The following ANO4 variants were observed in gnomAD, a reference collection of about 807,000 sequenced individuals.
ANO4 encodes the protein anoctamin-4.
ANO4 carries 69 observed loss-of-function variants against 141.9 expected under a neutral mutation model. The observed-to-expected ratio is 0.49, with a 90% confidence interval of 0.40 to 0.59. The LOEUF is 0.59. Among genes scored for constraint, ANO4 ranks in the 20% least tolerant of loss-of-function variants. ANO4 has a pLI of 0.00. For missense variants in ANO4, 894 were observed against 1,162.2 expected (o/e 0.77, Z 3.36); for synonymous variants, 350 against 394.3 (o/e 0.89, Z 1.33).
intron 2 of ANO4, among the ~76,000 whole-genome samples, chr12:100,908,106 T>C (rs2040927769): frequency 6.6e-6 from 1 of 152,202 alleles, no homozygotes; most frequent in African/African-American, 2.4e-5. Context: ...ACGCCTGTAA[T>C]CCCAGCACTT....
At chr12:101,060,881 T>G (rs2048318482) in intron 14 of ANO4, among the ~76,000 whole-genome samples, 1 of 152,178 alleles carries the variant, frequency 6.6e-6, no homozygotes, top group Admixed American at 6.5e-5. Flanking sequence ...CCATTTACAT[T>G]TAAGGATAAT....
chr12:100,769,809 T>A (rs1178437385), intron 3 of ANO4, among the ~76,000 whole-genome samples: 1 of 152,230 alleles, frequency 6.6e-6, no homozygotes, highest in Admixed American at 6.5e-5. Flanking sequence ...AGCCGTCTCT[T>A]ATGGAAGCCT....
chr12:100,783,999 G>GA (rs2033786971), intron 3 of ANO4, among the ~76,000 whole-genome samples: 5 of 140 alleles, frequency 0.036, no homozygotes, highest in Non-Finnish European at 0.076. Context: ...CACACTCCAT[G>GA]GCTCCATCTA....
intron 3 of ANO4, among the ~76,000 whole-genome samples, chr12:100,758,484 A>T (rs2032711575): frequency 6.6e-6 from 1 of 152,128 alleles, no homozygotes; most frequent in South Asian, 2.1e-4. Flanking sequence ...ATTGCTGGGG[A>T]TGTATCCTTA....
chr12:100,891,884 G>A (rs1357346572), intron 1 of ANO4, among the ~76,000 whole-genome samples: 1 of 151,940 alleles, frequency 6.6e-6, no homozygotes, highest in Non-Finnish European at 1.5e-5. Flanking sequence ...ATGAAATTTT[G>A]TATCCTTTGA....
intron 7 of ANO4, among the ~76,000 whole-genome samples, chr12:100,982,287 A>G (rs1443780641): frequency 6.6e-6 from 1 of 152,190 alleles, no homozygotes. Context: ...TCATTAAGCC[A>G]ATGTTTTCTC....
chr12:100,758,930 T>TTA (rs1321648377), intron 3 of ANO4, among the ~76,000 whole-genome samples: 1 of 152,186 alleles, frequency 6.6e-6, no homozygotes, highest in East Asian at 1.9e-4. Context: ...TTTCTGTCTC[T>TTA]TATACAAACA....
intron 14 of ANO4, among the ~76,000 whole-genome samples, chr12:101,054,539 C>T (rs541295295): frequency 4.6e-5 from 7 of 152,088 alleles, no homozygotes; most frequent in Non-Finnish European, 8.8e-5. Context: ...TCGCTCTGTC[C>T]CCCAGGCTGG....
chr12:101,042,062 G>A (rs1020456423), intron 11 of ANO4, among the ~76,000 whole-genome samples: 1 of 152,126 alleles, frequency 6.6e-6, no homozygotes, highest in East Asian at 1.9e-4. Flanking sequence ...TGCCCACTCC[G>A]GCCCCTTCCA....
intron 9 of ANO4, among the ~76,000 whole-genome samples, chr12:101,024,330 T>A (rs1228571951): frequency 6.6e-6 from 1 of 152,172 alleles, no homozygotes; most frequent in Non-Finnish European, 1.5e-5. Flanking sequence ...GCACGGTGGC[T>A]CATGCCTATA....
chr12:101,054,742 C>A (rs948032147), intron 14 of ANO4, among the ~76,000 whole-genome samples: 1 of 152,136 alleles, frequency 6.6e-6, no homozygotes, highest in Non-Finnish European at 1.5e-5. Flanking sequence ...CCTTGTGATC[C>A]GCCCGCCTTG....
chr12:101,110,755 A>G (rs2137014643), intron 23 of ANO4, among the ~76,000 whole-genome samples, 199 bp downstream of exon 23: 1 of 152,370 alleles, frequency 6.6e-6, no homozygotes, highest in Admixed American at 6.5e-5. Flanking sequence ...TATAATTTCC[A>G]GTGCTAGAGA....
intron 5 of ANO4, among the ~76,000 whole-genome samples, chr12:100,953,385 A>C (rs1401904719): frequency 6.6e-6 from 1 of 152,214 alleles, no homozygotes; most frequent in African/African-American, 2.4e-5. Context: ...AAAAAGATGA[A>C]GTGTAAGCTG....
At chr12:101,026,632 C>T (rs925024525) in intron 9 of ANO4, among the ~76,000 whole-genome samples, 1 of 152,012 alleles carries the variant, frequency 6.6e-6, no homozygotes, top group Non-Finnish European at 1.5e-5. Flanking sequence ...GACAAAGGGT[C>T]GAAGTCAATT....
intron 7 of ANO4, among the ~76,000 whole-genome samples, chr12:100,983,313 A>G (rs1397862184): frequency 6.6e-6 from 1 of 152,174 alleles, no homozygotes; most frequent in Non-Finnish European, 1.5e-5. Flanking sequence ...AGGTGTATTC[A>G]TTTCCTATTG....
intron 14 of ANO4, among the ~76,000 whole-genome samples, chr12:101,075,871 G>T (rs1363234900): frequency 6.6e-6 from 1 of 151,992 alleles, no homozygotes; most frequent in African/African-American, 2.4e-5. Context: ...GTATTCAGAG[G>T]AGGGAGTTTA....
At position 100,921,547 on chromosome 12, in the gene ANO4, G is replaced by A. The variant is rs1009132548; in HGVS notation, c.56-679G>A. ...AGAAGGTTTGGAAGGTTTATTGTTCGTGATAAAGCTACTTTTTGATACCTT... is the reference window on the plus strand; with the variant it reads ...AGAAGGTTTGGAAGGTTTATTGTTCATGATAAAGCTACTTTTTGATACCTT... On this transcript the variant is annotated intron_variant, in intron 2 of 27. Coordinates refer to ENST00000392977, the MANE Select transcript of ANO4 (RefSeq NM_001286615.2). 2.6e-5 allele frequency among the ~76,000 whole-genome samples: 4 copies of A among 152,104 alleles called. No individual in the cohort carries two copies. In the South Asian group the frequency reaches 6.2e-4, roughly 24 times the overall value.
At chr12:101,067,239 A>T (rs2048632131) in intron 14 of ANO4, among the ~76,000 whole-genome samples, 1 of 152,222 alleles carries the variant, frequency 6.6e-6, no homozygotes, top group Non-Finnish European at 1.5e-5. Flanking sequence ...TAATGCATAC[A>T]GGCTTACATT....
chr12:101,117,799 G>A (rs537374081), intron 25 of ANO4, among the ~76,000 whole-genome samples: 1 of 152,200 alleles, frequency 6.6e-6, no homozygotes, highest in Non-Finnish European at 1.5e-5. Flanking sequence ...TGGAGTCCTA[G>A]ATGCTTTGAC....
Sources: allele counts gnomAD v4.1 joint callset (sites outside exome capture counted in the v4.1 genomes callset), GRCh38; gene constraint gnomAD v4.1.1; transcripts MANE v1.5; gene names NCBI Gene and HGNC (gene_info 2026-07-23, HGNC 2026-07-21).